The following BRINP2 variants were observed in gnomAD, a reference collection of about 807,000 sequenced individuals.
BRINP2 encodes the protein BMP/retinoic acid inducible neural specific 2.
A neutral mutation model predicts 69.2 loss-of-function variants in BRINP2; 21 were observed. The observed-to-expected ratio is 0.30, with a 90% CI of 0.22 to 0.44. The LOEUF (loss-of-function observed/expected upper bound fraction) is 0.44, where lower values mean the gene tolerates loss of function less well. Ranked by LOEUF, BRINP2 falls within the 20% of genes least tolerant of loss-of-function variation. BRINP2 has a pLI of 1.00. For missense variants in BRINP2, 877 were observed against 986.0 expected, an observed-to-expected ratio of 0.89 and a Z score of 1.48; for synonymous variants, 380 against 394.1, an observed-to-expected ratio of 0.96 and a Z score of 0.42.
At chr1:177,258,151 T>C (rs990676271) in intron 4 of BRINP2, among the ~76,000 whole-genome samples, 1 of 152,232 alleles carries the variant, frequency 6.6e-6, no homozygotes, top group Non-Finnish European at 1.5e-5. Flanking sequence ...AACTATAACC[T>C]TCATCATATC....
intron 5 of BRINP2, among the ~76,000 whole-genome samples, chr1:177,274,285 G>A (rs1406821563): frequency 6.6e-6 from 1 of 152,170 alleles, no homozygotes; most frequent in Admixed American, 6.5e-5. Context: ...AGGCATCCTG[G>A]GGGCAGGGCT....
In BRINP2 at chr1:177,280,528, C is replaced by T; in HGVS notation, c.1352C>T (p.Ser451Phe). The T allele has an allele frequency of 6.2e-7, 1 of 1,614,220 alleles. No individual in the cohort carries two copies. Residue 451 changes from serine to phenylalanine, a missense_variant, in exon 8 of 8, where the codon TCC becomes TTC. This residue lies in a region of BRINP2 where 566 missense variants were observed against 625.2 expected (regional missense o/e 0.91). Coordinates refer to ENST00000361539, the MANE Select transcript of BRINP2 (RefSeq NM_021165.4). ...HSCTCPYDQS[S>F]CQGPIPCALG... The stretch of plus-strand genomic sequence containing the variant: ...TGCACCTGCCCCTATGACCAATCTT[C>T]CTGCCAGGGCCCCATCCCATGTGCC...
chr1:177,281,373 C>T lies in BRINP2; in HGVS notation c.2197C>T (p.Pro733Ser), dbSNP rs1243453990. 4 of 1,614,050 alleles carry T rather than the reference C, an allele frequency of 2.5e-6. No individual in the cohort carries two copies. Among genetic ancestry groups the T allele is most frequent in the Non-Finnish European group, 3.4e-6 (4 of 1,180,036 alleles). The change falls in exon 8 of 8, where the codon CCT (proline) becomes TCT (serine). Residue 733 changes from proline (P) to serine (S), a missense_variant. This residue lies in a region of BRINP2 where 225 missense variants were observed against 218.7 expected (regional missense o/e 1.03). Coordinates refer to ENST00000361539, the MANE Select transcript of BRINP2 (RefSeq NM_021165.4). ...LRDRVNQLSP[P>S]GKVRLDLFSC... ...GGACCGGGTGAACCAGCTTTCTCCA[C>T]CTGGCAAAGTCCGACTTGACCTTTT...
At chr1:177,221,280 G>T (rs1356054659) in intron 1 of BRINP2, among the ~76,000 whole-genome samples, 1 of 152,138 alleles carries the variant, frequency 6.6e-6, no homozygotes, top group Non-Finnish European at 1.5e-5. Context: ...ATTGATGTTT[G>T]GTACACAGTA....
chr1:177,230,187 C>G (rs3176442), intron 2 of BRINP2, 42 bp downstream of exon 2: 3 of 1,551,052 alleles, frequency 1.9e-6, no homozygotes, highest in Non-Finnish European at 2.6e-6. Context: ...TCCCTAAGAA[C>G]CCAACCTGCA....
intron 2 of BRINP2, among the ~76,000 whole-genome samples, chr1:177,243,467 CAAG>C (rs752054484): frequency 6.6e-4 from 100 of 152,064 alleles, no homozygotes; most frequent in Non-Finnish European, 1.2e-3. Flanking sequence ...ACCCAACAAG[CAAG>C]AAGAAGGGAG....
At chr1:177,178,797 G>A (rs140653163) in intron 1 of BRINP2, among the ~76,000 whole-genome samples, 71 of 152,244 alleles carry the variant, frequency 4.7e-4, no homozygotes, top group African/African-American at 1.7e-3. Flanking sequence ...CCTAGGCACT[G>A]AGGATTCAGC....
At chr1:177,256,635 A>G (rs781617962) in intron 3 of BRINP2, 26 of 1,031,370 alleles carry the variant, frequency 2.5e-5, no homozygotes, top group Admixed American at 5.0e-5. Flanking sequence ...CAGGATCAAA[A>G]TCTCTGAAGA....
chr1:177,180,900 A>G (rs958656490), intron 1 of BRINP2, among the ~76,000 whole-genome samples: 3 of 152,212 alleles, frequency 2.0e-5, no homozygotes, highest in Non-Finnish European at 4.4e-5. Context: ...GACTAGGACC[A>G]ATCATTGTTG....
chr1:177,171,476 C>T lies in BRINP2; in HGVS notation c.-333C>T. ...ACGTTGGCGGCGGTGGCGGTGGCGG[C>T]GGCGGCGGCACCGACAGTAAAGCGG... On this transcript the variant is annotated 5_prime_UTR_variant, in exon 1 of 8. Coordinates refer to ENST00000361539, the MANE Select transcript of BRINP2 (RefSeq NM_021165.4). 1.2e-5 allele frequency: 2 copies of T among 162,226 alleles called. No individual in the cohort carries two copies. Among genetic ancestry groups the T allele is most frequent in the Non-Finnish European group, 2.7e-5 (2 of 75,422 alleles). The allele number at this position is 162,226 out of a possible 1,614,324, so 10.0% of individuals were successfully genotyped here. A position where few individuals can be genotyped will look rare whatever the true frequency, so the allele number is the denominator to read the frequency against.
intron 1 of BRINP2, among the ~76,000 whole-genome samples, chr1:177,214,299 G>GGCCGGAGCCTGTAA (rs1435913441): frequency 6.6e-6 from 1 of 152,114 alleles, no homozygotes; most frequent in Non-Finnish European, 1.5e-5. Flanking sequence ...CGGGCCTGGT[G>GGCCGGAGCCTGTAA]GCCGGAGCCT....
At chr1:177,178,348 G>T (rs1648148291) in intron 1 of BRINP2, among the ~76,000 whole-genome samples, 1 of 152,074 alleles carries the variant, frequency 6.6e-6, no homozygotes. Context: ...TAACAAACAG[G>T]AGCTCCTTCA....
At chr1:177,204,057 A>C (rs1648998655) in intron 1 of BRINP2, among the ~76,000 whole-genome samples, 1 of 152,170 alleles carries the variant, frequency 6.6e-6, no homozygotes, top group Admixed American at 6.5e-5. Context: ...AGCTTTTTAA[A>C]CCAGAACATT....
chr1:177,231,487 C>T (rs1401119569), intron 2 of BRINP2, among the ~76,000 whole-genome samples: 2 of 152,202 alleles, frequency 1.3e-5, no homozygotes, highest in East Asian at 3.8e-4. Context: ...AATGGTAAAA[C>T]AGTGGCCATT....
At chr1:177,173,734 C>T (rs914427086) in intron 1 of BRINP2, among the ~76,000 whole-genome samples, 2 of 152,216 alleles carry the variant, frequency 1.3e-5, no homozygotes, top group African/African-American at 4.8e-5. Context: ...TTCTCCTGAT[C>T]CCCTTTCCCA....
rs570504083 is a variant in BRINP2 at position 177,187,167 on chromosome 1, C to T, written c.-77+15435C>T. Among the ~76,000 whole-genome samples, 4 of 152,272 alleles carry T rather than the reference C, an allele frequency of 2.6e-5. No individual in the cohort carries two copies. The South Asian group carries it at 8.3e-4, about 32-fold the overall frequency. On this transcript the variant is annotated intron_variant, in intron 1 of 7. Transcript: ENST00000361539. ...AAATCAGCCTTCCCAGTGCCTTTTC[C>T]CCTTCTACCCCAAATTTTGTGGCTT...
At chr1:177,255,778 TG>T in intron 2 of BRINP2, 140 bp from the exon 3 acceptor site, 1 of 849,712 alleles carries the variant, frequency 1.2e-6, no homozygotes, top group Non-Finnish European at 1.8e-6. Context: ...TTCCAGGCTC[TG>T]GGCACCTCCA....
At chr1:177,200,039 C>G (rs561707352) in intron 1 of BRINP2, among the ~76,000 whole-genome samples, 1 of 152,194 alleles carries the variant, frequency 6.6e-6, no homozygotes, top group East Asian at 1.9e-4. Context: ...CACCTGTAAT[C>G]CCAGCACTTT....
At chr1:177,209,744 G>A (rs1032721210) in intron 1 of BRINP2, among the ~76,000 whole-genome samples, 1 of 151,550 alleles carries the variant, frequency 6.6e-6, no homozygotes, top group South Asian at 2.1e-4. Context: ...CTCACTCAGA[G>A]TCTTATAGAT....
Sources: allele counts gnomAD v4.1 joint callset (sites outside exome capture counted in the v4.1 genomes callset), GRCh38; gene constraint gnomAD v4.1.1; regional missense constraint gnomAD v4.1.1; transcripts MANE v1.5; gene names NCBI Gene and HGNC (gene_info 2026-07-23, HGNC 2026-07-21).